MOBP: variants seen among roughly 807,000 people sequenced by gnomAD.
The protein encoded by MOBP is myelin associated oligodendrocyte basic protein.
Under a neutral mutation model 15.0 loss-of-function variants are expected in MOBP, and 5 were observed. The ratio of observed to expected loss-of-function variants is 0.33; its 90% CI spans 0.17 to 0.70. The LOEUF (loss-of-function observed/expected upper bound fraction) is 0.70. MOBP is among the 30% of genes least tolerant of loss of function. MOBP has a pLI of 0.67. For missense variants in MOBP, 188 were observed against 257.8 expected, an observed-to-expected ratio of 0.73 and a Z score of 1.85; for synonymous variants, 88 against 99.0, an observed-to-expected ratio of 0.89 and a Z score of 0.66.
At chr3:39,492,411 T>TGAA (rs1184158311) in intron 2 of MOBP, among the ~76,000 whole-genome samples, 1 of 152,170 alleles carries the variant, frequency 6.6e-6, no homozygotes, top group Non-Finnish European at 1.5e-5. Context: ...GTTAGGGAAC[T>TGAA]GAACTCTGAC....
At position 39,477,801 on chromosome 3, in the gene MOBP, T is replaced by G. The variant is rs964881360; in HGVS notation, c.-88-2239T>G. 9.9e-5 allele frequency among the ~76,000 whole-genome samples: 15 copies of G among 151,730 alleles called. No homozygotes were observed. The East Asian group carries it at 2.9e-3, about 30-fold the overall frequency. On this transcript the variant is annotated intron_variant, in intron 1 of 3. Transcript: ENST00000684792. Reference sequence around the variant, plus strand: ...ATCTTGACCCTGTGTAGGCCTAAGCTAATGTGTCTGTTTGCATCTTAGTTT... The same window carrying G: ...ATCTTGACCCTGTGTAGGCCTAAGCGAATGTGTCTGTTTGCATCTTAGTTT...
intron 2 of MOBP, among the ~76,000 whole-genome samples, chr3:39,482,649 C>T (rs1005775522): frequency 4.0e-5 from 4 of 99,916 alleles, no homozygotes; most frequent in East Asian, 2.7e-4. Flanking sequence ...GACACTCTGT[C>T]TCAAAAAAAA....
At chr3:39,505,727 C>T (rs13072532), downstream of MOBP, among the ~76,000 whole-genome samples, 8,073 of 152,272 alleles carry the variant, frequency 0.053, 277 homozygotes, top group Non-Finnish European at 0.082. Context: ...TTAACTACGC[C>T]TTCTCTGATA....
intron 2 of MOBP, among the ~76,000 whole-genome samples, chr3:39,500,738 A>T (rs907406190): frequency 5.9e-5 from 9 of 152,208 alleles, no homozygotes; most frequent in African/African-American, 2.2e-4. Context: ...AGGGAAGCAA[A>T]AAGACACGGG....
intron 2 of MOBP, among the ~76,000 whole-genome samples, chr3:39,496,853 G>C (rs1212865234): frequency 6.6e-6 from 1 of 151,928 alleles, no homozygotes; most frequent in Non-Finnish European, 1.5e-5. Flanking sequence ...AGTAGAGATG[G>C]GGTTTCTCCA....
chr3:39,476,850 T>C (rs2125627665), intron 1 of MOBP, among the ~76,000 whole-genome samples: 1 of 152,280 alleles, frequency 6.6e-6, no homozygotes, highest in African/African-American at 2.4e-5. Flanking sequence ...TTTTAACATA[T>C]CAATAATGAT....
intron 3 of MOBP, among the ~76,000 whole-genome samples, chr3:39,521,513 C>A (rs2043266494): frequency 6.6e-6 from 1 of 152,092 alleles, no homozygotes; most frequent in Non-Finnish European, 1.5e-5. Context: ...TCTTTTGGAG[C>A]CCCTTTCATG....
chr3:39,484,070 A>C (rs961732707), intron 2 of MOBP, among the ~76,000 whole-genome samples: 1 of 152,238 alleles, frequency 6.6e-6, no homozygotes, highest in Non-Finnish European at 1.5e-5. Flanking sequence ...ATATAGCCAC[A>C]TTATTATAAC....
At chr3:39,515,568 C>T (rs2043190815) in exon 5 of MOBP, 1 of 152,158 alleles carries the variant, frequency 6.6e-6, no homozygotes. Context: ...AAGCTCTTTC[C>T]CTACCCAGCA....
chr3:39,502,098 C>T lies in MOBP; in HGVS notation c.29C>T (p.Pro10Leu). 1 of 1,614,120 alleles carries T rather than the reference C, an allele frequency of 6.2e-7. No individual in the cohort carries two copies. The highest frequency in any genetic ancestry group is 8.5e-7 in the Non-Finnish European group (1 of 1,180,026). MSQKPAKEG[P>L]RLSKNQKYSE... ...AGTCAGAAACCGGCCAAGGAGGGTCCCAGACTCTCCAAAAACCAGAAGTAC... is the reference window on the plus strand; with the variant it reads ...AGTCAGAAACCGGCCAAGGAGGGTCTCAGACTCTCCAAAAACCAGAAGTAC... Residue 10 changes from proline (P) to leucine (L), a missense_variant, in exon 3 of 4, where the codon CCC becomes CTC. By Grantham distance (98) the Pro-to-Leu change is moderately conservative (BLOSUM62 -3). Around this residue, in one of 2 missense-constraint regions of MOBP, gnomAD observed 133 missense variants for 212.5 expected, o/e 0.63. Transcript: ENST00000684792. The surrounding 1 kb of genome is among the most constrained non-coding windows in gnomAD (Gnocchi z 6.3).
chr3:39,476,691 A>G (rs1022749693), intron 1 of MOBP, among the ~76,000 whole-genome samples: 1 of 152,044 alleles, frequency 6.6e-6, no homozygotes, highest in African/African-American at 2.4e-5. Context: ...TATTGTAGTC[A>G]GTTTCATTAT....
chr3:39,468,642 C>G (rs1482595828), intron 1 of MOBP, among the ~76,000 whole-genome samples: 1 of 151,758 alleles, frequency 6.6e-6, no homozygotes, highest in South Asian at 2.1e-4. Flanking sequence ...TTCTCTTTCT[C>G]TCTCTCTGTA....
intron 2 of MOBP, among the ~76,000 whole-genome samples, chr3:39,487,610 A>G (rs1161014540): frequency 7.2e-6 from 1 of 138,684 alleles, no homozygotes; most frequent in African/African-American, 2.7e-5. Context: ...TGCAAGCCCC[A>G]TATCCCAGGT....
chr3:39,517,339 C>T (rs531389499), downstream of MOBP, among the ~76,000 whole-genome samples: 2 of 152,194 alleles, frequency 1.3e-5, no homozygotes, highest in Admixed American at 1.3e-4. Context: ...GCCACTGAAA[C>T]CATGACCTTT....
At chr3:39,515,580 G>A (rs2043190993) in exon 5 of MOBP, 6 of 152,164 alleles carry the variant, frequency 3.9e-5, no homozygotes, top group Admixed American at 3.9e-4. Flanking sequence ...TACCCAGCAA[G>A]ACTACACTTT....
intron 1 of MOBP, among the ~76,000 whole-genome samples, chr3:39,475,436 C>A (rs2042532098): frequency 6.6e-6 from 1 of 152,140 alleles, no homozygotes; most frequent in South Asian, 2.1e-4. Context: ...TCTCCTTACA[C>A]TTTCACCTAC....
At chr3:39,519,936 G>A (rs572971), downstream of MOBP, among the ~76,000 whole-genome samples, 10 of 148,286 alleles carry the variant, frequency 6.7e-5, no homozygotes, top group South Asian at 1.3e-3. Flanking sequence ...ACCTCAATGC[G>A]TACATCTCTG....
chr3:39,501,203 A>G (rs965184653), intron 2 of MOBP, among the ~76,000 whole-genome samples: 2 of 152,218 alleles, frequency 1.3e-5, no homozygotes, highest in African/African-American at 2.4e-5. Context: ...CCAACATAAC[A>G]GTGTTTTGTA....
intron 2 of MOBP, among the ~76,000 whole-genome samples, chr3:39,501,166 T>C (rs999163916): frequency 1.1e-4 from 17 of 152,250 alleles, no homozygotes; most frequent in Non-Finnish European, 2.4e-4. Context: ...CCATCCTTTT[T>C]CCATGCTTTG....
Sources: gnomAD v4.1 joint callset for allele counts (sites outside exome capture counted in the v4.1 genomes callset) on GRCh38, gnomAD v4.1.1 for gene constraint, gnomAD v4.1.1 regional missense constraint, Gnocchi (gnomAD v3.1) non-coding constraint, MANE v1.5 for transcripts, NCBI Gene and HGNC (gene_info 2026-07-23, HGNC 2026-07-21) for gene names.